Variants in PCDHGA8 observed in about 807,000 individuals in gnomAD.
PCDHGA8 encodes protocadherin gamma subfamily A, 8.
A neutral mutation model predicts 59.2 loss-of-function variants in PCDHGA8; 45 were observed. That is an observed-to-expected ratio of 0.76 (90% CI 0.60 to 0.98). PCDHGA8 has a LOEUF of 0.98. Ranked by LOEUF, PCDHGA8 falls within the 50% of genes least tolerant of loss-of-function variation. The pLI is 0.00. For missense variants in PCDHGA8, 1,257 were observed against 1,196.2 expected (o/e 1.05, Z -0.75); for synonymous variants, 531 against 519.0 (o/e 1.02, Z -0.32).
intron 1 of PCDHGA8, chr5:141,421,232 C>G (rs748347420): frequency 1.3e-6 from 2 of 1,590,370 alleles, no homozygotes; most frequent in Non-Finnish European, 1.7e-6. Context: ...CCTGCCATGG[C>G]GAATCGGCTA....
chr5:141,419,006 A>G (rs2096312225), intron 1 of PCDHGA8: 1 of 1,614,006 alleles, frequency 6.2e-7, no homozygotes. Context: ...TGGGGAAGTC[A>G]GGTGTAGCTT....
intron 1 of PCDHGA8, chr5:141,400,330 G>A (rs2094004189): frequency 6.2e-7 from 1 of 1,614,082 alleles, no homozygotes; most frequent in Admixed American, 1.7e-5. Flanking sequence ...TGGACCTGTG[G>A]TTCCCCCCAA....
At chr5:141,416,652 A>T (rs1028914487) in intron 1 of PCDHGA8, 1 of 152,240 alleles carries the variant, frequency 6.6e-6, no homozygotes, top group Non-Finnish European at 1.5e-5. Context: ...ACAGCTGTAA[A>T]AAAGAAAAGA....
intron 1 of PCDHGA8, chr5:141,423,653 G>A: frequency 6.3e-7 from 1 of 1,578,174 alleles, no homozygotes. Context: ...GACCCGACAA[G>A]TAATCAGGTG....
At position 141,444,986 on chromosome 5, in the gene PCDHGA8, T is replaced by C. The variant is rs990862582; in HGVS notation, c.2424+49749T>C. On this transcript the variant is annotated intron_variant, in intron 1 of 3. Transcript: ENST00000398604. ...TGACACTTCAAATCCATGAACATGG[T>C]ATATATTTCCATTTAATTAGGTCTT... Among the ~76,000 whole-genome samples, 4 of 152,206 alleles carry C rather than the reference T, an allele frequency of 2.6e-5. No individual in the cohort carries two copies. The East Asian group carries it at 7.7e-4, about 29-fold the overall frequency.
chr5:141,419,420 G>C (rs774685112), intron 1 of PCDHGA8: 10 of 1,613,372 alleles, frequency 6.2e-6, no homozygotes, highest in Non-Finnish European at 7.6e-6. Flanking sequence ...GCGCGCCTTC[G>C]ACCACGAGCA....
intron 2 of PCDHGA8, among the ~76,000 whole-genome samples, chr5:141,502,107 C>T (rs1292131951): frequency 6.6e-6 from 1 of 152,192 alleles, no homozygotes; most frequent in East Asian, 1.9e-4. Context: ...TGACCCTGCA[C>T]CCTCAGCCAG....
intron 1 of PCDHGA8, chr5:141,423,138 C>G (rs767107885): frequency 1.2e-6 from 2 of 1,613,606 alleles, no homozygotes; most frequent in Non-Finnish European, 1.7e-6. Flanking sequence ...TGGACAGAGA[C>G]GCGCTCAAGC....
intron 1 of PCDHGA8, chr5:141,478,557 G>A (rs1316386006): frequency 1.2e-6 from 2 of 1,600,016 alleles, no homozygotes; most frequent in Non-Finnish European, 1.7e-6. Context: ...GTAAGGTTTA[G>A]CAAGTCATGC....
At chr5:141,500,782 T>G (rs2099802612) in intron 2 of PCDHGA8, among the ~76,000 whole-genome samples, 2 of 152,222 alleles carry the variant, frequency 1.3e-5, no homozygotes, top group Admixed American at 1.3e-4. Context: ...ATATACATAT[T>G]ATTTTACAGA....
At chr5:141,510,311 C>T (rs375516156) in intron 3 of PCDHGA8, among the ~76,000 whole-genome samples, 98 of 151,056 alleles carry the variant, frequency 6.5e-4, no homozygotes, top group African/African-American at 2.3e-3. Flanking sequence ...GAAATGGAGG[C>T]TTGGAAGAGC....
rs777058727 is a variant in PCDHGA8 at position 141,431,947 on chromosome 5, A to G, written c.2424+36710A>G. 6 of 1,614,052 alleles carry G rather than the reference A, an allele frequency of 3.7e-6. No homozygotes were observed. The highest frequency in any genetic ancestry group is 2.2e-5 in the East Asian group (1 of 44,894). ...GAAATCTGCCCTTTAAATTAGAAAAATCTTACGGAAATTACTATAGTTTAG... is the reference window on the plus strand; with the variant it reads ...GAAATCTGCCCTTTAAATTAGAAAAGTCTTACGGAAATTACTATAGTTTAG... On this transcript the variant is annotated intron_variant, in intron 1 of 3. Transcript: ENST00000398604. This position sits in a 1 kb window ranked among gnomAD's most constrained non-coding sequence, Gnocchi z 4.8.
At position 141,489,125 on chromosome 5, in the gene PCDHGA8, G is replaced by T. The variant is rs537146985; in HGVS notation, c.2425-5682G>T. 1.1e-4 allele frequency: 77 copies of T among 728,124 alleles called. No individual in the cohort carries two copies. The East Asian group carries it at 1.9e-3, about 18-fold the overall frequency. 45.1% of individuals were successfully genotyped at this position (728,124 alleles called of 1,614,324 possible). A position where few individuals can be genotyped will look rare whatever the true frequency, so the allele number is the denominator to read the frequency against. ...CTGCAAGCAGGCAAACCTCCGAGCAGTTTTTAAGAGGCTGGAAGGAGACAT... is the reference window on the plus strand; with the variant it reads ...CTGCAAGCAGGCAAACCTCCGAGCATTTTTTAAGAGGCTGGAAGGAGACAT... On this transcript the variant is annotated intron_variant, in intron 1 of 3. Coordinates refer to ENST00000398604, the MANE Select transcript of PCDHGA8 (RefSeq NM_032088.2). The surrounding 1 kb of genome is among the most constrained non-coding windows in gnomAD (Gnocchi z 4.5).
At chr5:141,414,692 C>T (rs2095777962) in intron 1 of PCDHGA8, 1 of 1,613,918 alleles carries the variant, frequency 6.2e-7, no homozygotes, top group African/African-American at 1.3e-5. Flanking sequence ...GTACCTCTGT[C>T]CTCATACATA....
chr5:141,429,379 T>G (rs573911129), intron 1 of PCDHGA8, among the ~76,000 whole-genome samples: 5 of 151,382 alleles, frequency 3.3e-5, no homozygotes, highest in East Asian at 1.9e-4. Context: ...GAAAATGTGT[T>G]TTTTTTTTAA....
chr5:141,416,449 G>A (rs938389094), intron 1 of PCDHGA8: 1 of 152,138 alleles, frequency 6.6e-6, no homozygotes, highest in Non-Finnish European at 1.5e-5. Context: ...AATATGGGTT[G>A]GGAAGACAGA....
Position 141,405,365 on chromosome 5 carries a change from C to T in PCDHGA8, c.2424+10128C>T, listed in dbSNP as rs773382376. 2.5e-6 allele frequency: 4 copies of T among 1,613,614 alleles called. No homozygotes were observed. The Admixed American group carries it at 5.0e-5, about 20-fold the overall frequency. On this transcript the variant is annotated intron_variant, in intron 1 of 3. Transcript: ENST00000398604. ...TTCCAAGTTTCCTATAGAAGACACC[C>T]CTTTGGTTCCGGTGAGTTCATTTTT...
intron 1 of PCDHGA8, chr5:141,408,692 A>C: frequency 6.2e-7 from 1 of 1,613,906 alleles, no homozygotes; most frequent in Non-Finnish European, 8.5e-7. Context: ...TGATATAAAC[A>C]TAAACTCAAT....
At chr5:141,483,425 G>A (rs1460083757) in intron 1 of PCDHGA8, among the ~76,000 whole-genome samples, 1 of 152,116 alleles carries the variant, frequency 6.6e-6, no homozygotes, top group Non-Finnish European at 1.5e-5. Flanking sequence ...ACAGATGGAG[G>A]GAGCTGACTA....
Sources: gnomAD v4.1 joint callset for allele counts (sites outside exome capture counted in the v4.1 genomes callset) on GRCh38, gnomAD v4.1.1 for gene constraint, Gnocchi (gnomAD v3.1) non-coding constraint, MANE v1.5 for transcripts, NCBI Gene and HGNC (gene_info 2026-07-23, HGNC 2026-07-21) for gene names.